NECTIN3: variants seen among roughly 807,000 people sequenced by gnomAD.
NECTIN3 encodes the protein nectin cell adhesion molecule 3, also known as nectin-3.
NECTIN3 carries 8 observed loss-of-function variants against 49.4 expected under a neutral mutation model. The ratio of observed to expected loss-of-function variants is 0.16; its 90% CI spans 0.10 to 0.29. The LOEUF (loss-of-function observed/expected upper bound fraction) is 0.29, where lower values mean the gene tolerates loss of function less well. Ranked by LOEUF, NECTIN3 falls within the 10% of genes least tolerant of loss-of-function variation. The pLI, the probability that NECTIN3 is intolerant of heterozygous loss-of-function variation, is 1.00. For synonymous variants in NECTIN3, 277 were observed against 241.1 expected (o/e 1.15, Z -1.38); for missense variants, 581 against 654.6 (o/e 0.89, Z 1.23).
rs145476720 is a variant in NECTIN3 at position 111,088,768 on chromosome 3, T to C, written c.160+16591T>C. On this transcript the variant is annotated intron_variant, in intron 1 of 5. Transcript: ENST00000485303. ...TTTTCTTTCCACATATGTTTATGAA[T>C]TGCATTGGCCCAAAATTTTTCTTTC... is the stretch of plus-strand genomic sequence containing the variant. 5.2e-4 allele frequency among the ~76,000 whole-genome samples: 79 copies of C among 152,334 alleles called. 1 individual carries two copies. In the East Asian group the frequency reaches 0.012, roughly 23 times the overall value.
downstream of NECTIN3, among the ~76,000 whole-genome samples, chr3:111,137,830 G>GC (rs1415753137): frequency 1.3e-4 from 19 of 141,656 alleles, no homozygotes; most frequent in African/African-American, 3.7e-4. Flanking sequence ...GTTCAGGGGT[G>GC]CATGTACAGG....
intron 4 of NECTIN3, 113 bp from the exon 5 acceptor site, chr3:111,126,071 G>T: frequency 1.4e-6 from 1 of 733,224 alleles, no homozygotes; most frequent in Non-Finnish European, 2.0e-6. Context: ...TTTTGTCTGA[G>T]ATGCTTTTTT....
intron 7 of NECTIN3, among the ~76,000 whole-genome samples, chr3:111,158,416 A>T (rs1226295716): frequency 6.6e-6 from 1 of 152,022 alleles, no homozygotes; most frequent in African/African-American, 2.4e-5. Flanking sequence ...TAGACTATCA[A>T]TCCTGTTTAT....
intron 7 of NECTIN3, among the ~76,000 whole-genome samples, chr3:111,183,598 G>T (rs2035667163): frequency 6.6e-6 from 1 of 152,102 alleles, no homozygotes. Flanking sequence ...ACAGGCGTGA[G>T]CCACAATGCC....
At chr3:111,130,262 G>GTT (rs62747660) in intron 5 of NECTIN3, among the ~76,000 whole-genome samples, 85 of 143,058 alleles carry the variant, frequency 5.9e-4, no homozygotes, top group African/African-American at 1.4e-3. Flanking sequence ...AGCCGAGAAT[G>GTT]TTTTTTTTTT....
At position 111,134,777 on chromosome 3, in the gene NECTIN3, T is replaced by A; in HGVS notation, c.*562T>A. The A allele has an allele frequency of 2.1e-6, 2 of 974,060 alleles. No homozygotes were observed. The highest frequency in any genetic ancestry group is 4.7e-5 in the South Asian group (1 of 21,062). 60.3% of individuals were successfully genotyped at this position (974,060 alleles called of 1,614,324 possible). A position where few individuals can be genotyped will look rare whatever the true frequency, so the allele number is the denominator to read the frequency against. ...TTTCTAAGTTTCTATACAAATGAAA[T>A]CTTTACCTCTGCATATTAATGAGCC... is the stretch of plus-strand genomic sequence containing the variant. On this transcript the variant is annotated 3_prime_UTR_variant, in exon 6 of 6. Transcript: ENST00000485303.
intron 2 of NECTIN3, among the ~76,000 whole-genome samples, chr3:111,116,614 A>G (rs1012062879): frequency 6.6e-5 from 10 of 152,140 alleles, no homozygotes; most frequent in Non-Finnish European, 1.3e-4. Flanking sequence ...TGCACCACGT[A>G]TAATCACAAA....
intron 1 of NECTIN3, among the ~76,000 whole-genome samples, chr3:111,091,118 TAA>T (rs1401932910): frequency 6.6e-6 from 1 of 152,146 alleles, no homozygotes; most frequent in Admixed American, 6.5e-5. Flanking sequence ...TCCACAAAAA[TAA>T]GTCAGTTCCC....
downstream of NECTIN3, among the ~76,000 whole-genome samples, chr3:111,141,456 T>C (rs1039123932): frequency 5.2e-4 from 79 of 151,962 alleles, no homozygotes; most frequent in African/African-American, 1.8e-3. Flanking sequence ...TTTTGAATGA[T>C]AAAAATACTT....
chr3:111,154,160 C>T (rs147499800), intron 7 of NECTIN3, among the ~76,000 whole-genome samples: 1 of 152,226 alleles, frequency 6.6e-6, no homozygotes, highest in South Asian at 2.1e-4. Flanking sequence ...TAATCTCCCC[C>T]CTCTAGTCCT....
chr3:111,144,912 G>A, exon 6 of NECTIN3: 5 of 1,535,508 alleles, frequency 3.3e-6, no homozygotes, highest in Non-Finnish European at 4.4e-6. Flanking sequence ...TTCCATTTAA[G>A]CAGACCTCTT....
intron 1 of NECTIN3, among the ~76,000 whole-genome samples, chr3:111,100,891 A>C (rs991985129): frequency 3.3e-5 from 5 of 152,102 alleles, no homozygotes; most frequent in East Asian, 1.9e-4. Context: ...TACCTCTCTA[A>C]CTTTGTAATT....
At chr3:111,127,661 G>T (rs1407742111) in intron 5 of NECTIN3, among the ~76,000 whole-genome samples, 1 of 151,842 alleles carries the variant, frequency 6.6e-6, no homozygotes, top group Non-Finnish European at 1.5e-5. Flanking sequence ...TGCCTCCCGG[G>T]CTCAAGCAAT....
At chr3:111,189,978 A>G (rs2035785716), upstream of NECTIN3, among the ~76,000 whole-genome samples, 1 of 152,182 alleles carries the variant, frequency 6.6e-6, no homozygotes, top group Non-Finnish European at 1.5e-5. Context: ...GGGCAGCAAG[A>G]TGGGGTAGCA....
At chr3:111,092,627 A>G (rs1247275168) in intron 1 of NECTIN3, among the ~76,000 whole-genome samples, 1 of 63,718 alleles carries the variant, frequency 1.6e-5, no homozygotes, top group African/African-American at 2.7e-5. Flanking sequence ...ATCTGGACTC[A>G]GTACTGTTCT....
In NECTIN3 at chr3:111,133,848, A is replaced by G. The variant is rs752599607; in HGVS notation, c.1283A>G (p.Tyr428Cys). The change falls in exon 6 of 6, where the codon TAT becomes TGT. Residue 428 changes from tyrosine to cysteine, a missense_variant. By Grantham distance (194) the Tyr-to-Cys change is radical (BLOSUM62 -2). Around this residue, in one of 3 missense-constraint regions of NECTIN3, gnomAD observed 238 missense variants for 244.9 expected, o/e 0.97. Transcript: ENST00000485303. ...LVSVLAGIFC[Y>C]RRRRTFRGDY... ...AGTGTTTTGGCTGGAATATTCTGCT[A>G]TAGGAGAAGACGGACGTTTCGTGGA... 4.3e-6 allele frequency: 7 copies of G among 1,614,040 alleles called. No homozygotes were observed. Among genetic ancestry groups the G allele is most frequent in the South Asian group, 1.1e-5 (1 of 91,078 alleles).
At position 111,136,698 on chromosome 3, in the gene NECTIN3, A is replaced by G. The variant is rs939507369; in HGVS notation, c.*2483A>G. 4.9e-5 allele frequency: 45 copies of G among 911,944 alleles called. No individual in the cohort carries two copies. In the African/African-American group the frequency reaches 7.9e-4, roughly 16 times the overall value. The allele number at this position is 911,944 out of a possible 1,614,324, so 56.5% of individuals were successfully genotyped here. On this transcript the variant is annotated 3_prime_UTR_variant, in exon 6 of 6. Coordinates refer to ENST00000485303, the MANE Select transcript of NECTIN3 (RefSeq NM_015480.3). ...GTGAAAAAAAATGAATATTTGTACT[A>G]TTTTTGGCCATATTTATATTTATTT...
intron 1 of NECTIN3, among the ~76,000 whole-genome samples, chr3:111,103,961 A>G (rs2033046948): frequency 6.6e-6 from 1 of 152,216 alleles, no homozygotes. Context: ...AAATAAAGCC[A>G]CTATGAACAT....
At chr3:111,077,200 ATTGT>A (rs1559762064) in intron 1 of NECTIN3, 2 of 443,062 alleles carry the variant, frequency 4.5e-6, no homozygotes, top group Non-Finnish European at 9.1e-6. Flanking sequence ...CATCCAGGAG[ATTGT>A]TTTTCTTGCA....
Sources: gnomAD v4.1 joint callset for allele counts (sites outside exome capture counted in the v4.1 genomes callset) on GRCh38, gnomAD v4.1.1 for gene constraint, gnomAD v4.1.1 regional missense constraint, MANE v1.5 for transcripts, NCBI Gene and HGNC (gene_info 2026-07-23, HGNC 2026-07-21) for gene names.